The following TRPC7 variants were observed in gnomAD, a reference collection of about 807,000 sequenced individuals.
The protein encoded by TRPC7 is transient receptor potential cation channel subfamily C member 7.
A neutral mutation model predicts 90.1 loss-of-function variants in TRPC7; 42 were observed. That is an observed-to-expected ratio of 0.47 (90% CI 0.36 to 0.60). The LOEUF (loss-of-function observed/expected upper bound fraction) is 0.60. Ranked by LOEUF, TRPC7 falls within the 20% of genes least tolerant of loss-of-function variation. The pLI, the probability that TRPC7 is intolerant of heterozygous loss-of-function variation, is 0.00. For missense variants in TRPC7, 955 were observed against 1,112.3 expected, an observed-to-expected ratio of 0.86 and a Z score of 2.01; for synonymous variants, 451 against 436.3, an observed-to-expected ratio of 1.03 and a Z score of -0.42.
At chr5:136,254,142 A>C (rs1230854131) in intron 5 of TRPC7, among the ~76,000 whole-genome samples, 2 of 152,248 alleles carry the variant, frequency 1.3e-5, no homozygotes. Flanking sequence ...TCCATAACAT[A>C]AAAGTACAAG....
Position 136,287,982 on chromosome 5 carries a change from A to G in TRPC7, c.964-13145T>C, listed in dbSNP as rs79773404. On this transcript the variant is annotated intron_variant, in intron 3 of 11. Coordinates refer to ENST00000513104, the MANE Select transcript of TRPC7 (RefSeq NM_020389.3). ...CTGAGCCAGACTTCATATAGTTCAG[A>G]AAAATTTTTAAATGCTAAGAGCCAA... is the stretch of plus-strand genomic sequence containing the variant. Among the ~76,000 whole-genome samples, 772 of 152,294 alleles carry G rather than the reference A, an allele frequency of 5.1e-3. 5 individuals carry two copies. Among genetic ancestry groups the G allele is most frequent in the African/African-American group, 0.018 (734 of 41,572 alleles).
intron 7 of TRPC7, among the ~76,000 whole-genome samples, chr5:136,243,645 G>A (rs543136849): frequency 6.6e-6 from 1 of 151,684 alleles, no homozygotes; most frequent in Non-Finnish European, 1.5e-5. Flanking sequence ...CCTAAGGCAC[G>A]AGTCTCATTT....
At chr5:136,253,366 G>A (rs1044758121) in intron 5 of TRPC7, among the ~76,000 whole-genome samples, 2 of 151,752 alleles carry the variant, frequency 1.3e-5, no homozygotes, top group African/African-American at 4.8e-5. Context: ...TTGCTTTATT[G>A]TGCTTCACAG....
chr5:136,271,690 A>T (rs1030102997), intron 4 of TRPC7, among the ~76,000 whole-genome samples: 2 of 152,200 alleles, frequency 1.3e-5, no homozygotes, highest in Admixed American at 1.3e-4. Flanking sequence ...GAGAAATGAT[A>T]AACAGAATCA....
rs537131563 is a variant in TRPC7 at position 136,321,730 on chromosome 5, T to C, written c.781-5951A>G. On this transcript the variant is annotated intron_variant, in intron 2 of 11. Coordinates refer to ENST00000513104, the MANE Select transcript of TRPC7 (RefSeq NM_020389.3). ...GAAAACAAAAAAATACTGGATAAAC[T>C]CTTGACTCATCTTTCTTGCACTCCA... 2.0e-3 allele frequency among the ~76,000 whole-genome samples: 298 copies of C among 152,208 alleles called. 1 individual carries two copies. Among genetic ancestry groups the C allele is most frequent in the African/African-American group, 6.5e-3 (271 of 41,546 alleles).
At chr5:136,346,882 C>T (rs1760024619) in intron 2 of TRPC7, among the ~76,000 whole-genome samples, 1 of 152,052 alleles carries the variant, frequency 6.6e-6, no homozygotes, top group Admixed American at 6.5e-5. Flanking sequence ...CAGAATGTGA[C>T]CTTATTTGGA....
At chr5:136,231,280 A>T in intron 8 of TRPC7, 74 bp downstream of exon 8, 1 of 1,309,234 alleles carries the variant, frequency 7.6e-7, no homozygotes, top group Non-Finnish European at 1.0e-6. Context: ...TTCTAACATC[A>T]TTCCCCTCAT....
chr5:136,257,609 A>T (rs1181012263), intron 5 of TRPC7, among the ~76,000 whole-genome samples: 1 of 152,152 alleles, frequency 6.6e-6, no homozygotes, highest in Non-Finnish European at 1.5e-5. Context: ...ATTAAAAAAA[A>T]TTGCAGGTAG....
In TRPC7 at chr5:136,329,173, T is replaced by C. The variant is rs1448874550; in HGVS notation, c.781-13394A>G. 2.6e-5 allele frequency among the ~76,000 whole-genome samples: 4 copies of C among 152,146 alleles called. No individual in the cohort carries two copies. The South Asian group carries it at 8.3e-4, about 31-fold the overall frequency. On this transcript the variant is annotated intron_variant, in intron 2 of 11. Transcript: ENST00000513104. ...AAGTAATGGATTGCTCTGCTTGTTG[T>C]TTTTTTAACAAGTCCCCTCTGTTAG... is the stretch of plus-strand genomic sequence containing the variant.
At chr5:136,360,785 A>G (rs758757848) in intron 1 of TRPC7, among the ~76,000 whole-genome samples, 1 of 152,190 alleles carries the variant, frequency 6.6e-6, no homozygotes, top group African/African-American at 2.4e-5. Flanking sequence ...GGGGCTTCAC[A>G]ATAGACTATG....
chr5:136,297,111 C>T (rs1336445362), intron 3 of TRPC7, among the ~76,000 whole-genome samples: 2 of 152,154 alleles, frequency 1.3e-5, no homozygotes, highest in Non-Finnish European at 2.9e-5. Context: ...GCTCTGATCC[C>T]CCTTTCATGG....
intron 3 of TRPC7, among the ~76,000 whole-genome samples, chr5:136,308,508 A>G (rs1758719438): frequency 6.6e-6 from 1 of 152,232 alleles, no homozygotes; most frequent in African/African-American, 2.4e-5. Flanking sequence ...TGCTCAGGGC[A>G]TGTGAGTGTC....
intron 2 of TRPC7, among the ~76,000 whole-genome samples, chr5:136,346,067 T>G (rs1759994147): frequency 6.6e-6 from 1 of 152,110 alleles, no homozygotes; most frequent in Admixed American, 6.5e-5. Context: ...GGTCTATATC[T>G]CACACACCGA....
At chr5:136,361,571 G>T (rs1050473318) in intron 1 of TRPC7, among the ~76,000 whole-genome samples, 7 of 152,116 alleles carry the variant, frequency 4.6e-5, no homozygotes. Context: ...AGAAATTGTG[G>T]TTAATTACTG....
Position 136,293,738 on chromosome 5 carries a change from G to T in TRPC7, c.964-18901C>A, listed in dbSNP as rs933163399. 1.0e-3 allele frequency among the ~76,000 whole-genome samples: 152 copies of T among 152,262 alleles called. 1 individual carries two copies. The highest frequency in any genetic ancestry group is 1.5e-3 in the Non-Finnish European group (102 of 68,012). On this transcript the variant is annotated intron_variant, in intron 3 of 11. Coordinates refer to ENST00000513104, the MANE Select transcript of TRPC7 (RefSeq NM_020389.3). Reference sequence around the variant, plus strand: ...GCCCAAGGTAATTTATAGATTCAGTGCCATCCCCATCAAGCTACCAATGAC... The same window carrying T: ...GCCCAAGGTAATTTATAGATTCAGTTCCATCCCCATCAAGCTACCAATGAC...
chr5:136,347,039 G>C (rs1014193112), intron 2 of TRPC7, among the ~76,000 whole-genome samples: 2 of 152,186 alleles, frequency 1.3e-5, no homozygotes, highest in Admixed American at 1.3e-4. Context: ...AACAGAGGCA[G>C]AGACTGGAGT....
intron 3 of TRPC7, among the ~76,000 whole-genome samples, chr5:136,305,760 C>G (rs547886200): frequency 2.0e-5 from 3 of 152,156 alleles, no homozygotes; most frequent in East Asian, 3.9e-4. Flanking sequence ...TTTTCAGGCT[C>G]TTAGTATTCC....
chr5:136,270,508 A>C (rs116443754), intron 4 of TRPC7, among the ~76,000 whole-genome samples: 1,939 of 152,294 alleles, frequency 0.013, 42 homozygotes, highest in African/African-American at 0.044. Flanking sequence ...ACCCAAACAG[A>C]GTCCTTATGT....
chr5:136,214,261 C>T (rs1291244348), intron 11 of TRPC7: 1 of 152,482 alleles, frequency 6.6e-6, no homozygotes, highest in East Asian at 1.9e-4. Context: ...CTTTTATTTC[C>T]ACAGAGAACC....
Sources: allele counts gnomAD v4.1 joint callset (sites outside exome capture counted in the v4.1 genomes callset), GRCh38; gene constraint gnomAD v4.1.1; transcripts MANE v1.5; gene names NCBI Gene and HGNC (gene_info 2026-07-23, HGNC 2026-07-21).